The following RSPH9 variants were observed in gnomAD, a reference collection of about 807,000 sequenced individuals.
The protein encoded by RSPH9 is radial spoke head component 9, also known as radial spoke head protein 9 homolog.
RSPH9 carries 27 observed loss-of-function variants against 27.0 expected under a neutral mutation model. The ratio of observed to expected loss-of-function variants is 1.00; its 90% CI spans 0.74 to 1.38. The LOEUF is 1.38. RSPH9 is among the 40% of genes most tolerant of loss of function. The pLI, the probability that RSPH9 is intolerant of heterozygous loss-of-function variation, is 0.00. For missense variants in RSPH9, 347 were observed against 357.4 expected (o/e 0.97, Z 0.24); for synonymous variants, 145 against 147.7 (o/e 0.98, Z 0.13).
At chr6:43,666,780 T>C (rs1016686091) in intron 4 of RSPH9, among the ~76,000 whole-genome samples, 3 of 152,130 alleles carry the variant, frequency 2.0e-5, no homozygotes, top group Non-Finnish European at 4.4e-5. Flanking sequence ...AGGCCATATA[T>C]ATACATATAT....
At chr6:43,658,705 C>T (rs1339513609) in intron 4 of RSPH9, among the ~76,000 whole-genome samples, 1 of 152,126 alleles carries the variant, frequency 6.6e-6, no homozygotes, top group Admixed American at 6.6e-5. Context: ...CCATGCCTGG[C>T]TAATCTTTGT....
At chr6:43,660,039 CTTT>C (rs1163299257) in intron 4 of RSPH9, among the ~76,000 whole-genome samples, 2 of 109,342 alleles carry the variant, frequency 1.8e-5, no homozygotes, top group Admixed American at 9.9e-5. Flanking sequence ...CCAGCCTGGC[CTTT>C]TTTTTTTTTT....
intron 4 of RSPH9, chr6:43,666,527 C>T (rs1471290010): frequency 3.3e-6 from 5 of 1,527,950 alleles, no homozygotes; most frequent in Non-Finnish European, 4.4e-6. Context: ...TGAGGTAGGC[C>T]AACGACTCCG....
chr6:43,655,603 C>T lies in RSPH9; in HGVS notation c.435C>T (p.Asp145=), dbSNP rs1771921378. The T allele has an allele frequency of 6.2e-7, 1 of 1,614,128 alleles. No homozygotes were observed. Residue 145 remains aspartate, a synonymous_variant, in exon 3 of 5, where the codon GAC becomes GAT. Coordinates refer to ENST00000372163, the MANE Select transcript of RSPH9 (RefSeq NM_152732.5). ...AGACCCGCTTGGTGTCTGTCATTGA[C>T]CAGATTGACAAGGCTGTGGCCATCA... ...KEETRLVSVI[D]QIDKAVAIIP...
chr6:43,670,037 G>A (rs1561946661), intron 4 of RSPH9, among the ~76,000 whole-genome samples: 1 of 152,220 alleles, frequency 6.6e-6, no homozygotes, highest in African/African-American at 2.4e-5. Flanking sequence ...ATCCAACTCA[G>A]GAGAGGCTTC....
chr6:43,658,699 G>A (rs982752834), intron 4 of RSPH9, among the ~76,000 whole-genome samples: 20 of 152,126 alleles, frequency 1.3e-4, no homozygotes, highest in African/African-American at 4.8e-4. Flanking sequence ...CCGCCACCAT[G>A]CCTGGCTAAT....
Position 43,671,544 on chromosome 6 carries a change from G to C in RSPH9, c.*595G>C, listed in dbSNP as rs558521917. 1 of 596,150 alleles carries C rather than the reference G, an allele frequency of 1.7e-6. No homozygotes were observed. The highest frequency in any genetic ancestry group is 2.0e-5 in the South Asian group (1 of 50,626). The allele number at this position is 596,150 out of a possible 1,614,324, so 36.9% of individuals were successfully genotyped here. A position where few individuals can be genotyped will look rare whatever the true frequency, so the allele number is the denominator to read the frequency against. On this transcript the variant is annotated 3_prime_UTR_variant, in exon 5 of 5. Coordinates refer to ENST00000372163, the MANE Select transcript of RSPH9 (RefSeq NM_152732.5). Reference sequence around the variant, plus strand: ...GCCTAAGCCCCATAGCAGCTGGCAAGGGACCCAACTGCCCTGCCTGCCTCT... The same window carrying C: ...GCCTAAGCCCCATAGCAGCTGGCAACGGACCCAACTGCCCTGCCTGCCTCT...
At position 43,645,070 on chromosome 6, in the gene RSPH9, G is replaced by T; in HGVS notation, c.-29G>T. Reference sequence around the variant, plus strand: ...TGGAGGCGGCTTCTCCTAGCAACTCGACGGGCGTTGAGCGGAGCCGCTGAC... The same window carrying T: ...TGGAGGCGGCTTCTCCTAGCAACTCTACGGGCGTTGAGCGGAGCCGCTGAC... On this transcript the variant is annotated 5_prime_UTR_variant, in exon 1 of 5. Coordinates refer to ENST00000372163, the MANE Select transcript of RSPH9 (RefSeq NM_152732.5). 1 of 1,596,742 alleles carries T rather than the reference G, an allele frequency of 6.3e-7. No homozygotes were observed. The highest frequency in any genetic ancestry group is 1.1e-5 in the South Asian group (1 of 90,768).
chr6:43,666,764 G>A (rs1481915097), intron 4 of RSPH9, among the ~76,000 whole-genome samples: 1 of 152,158 alleles, frequency 6.6e-6, no homozygotes, highest in Non-Finnish European at 1.5e-5. Context: ...GCAGCCGTGG[G>A]TCAGGAGGCC....
chr6:43,654,059 G>A (rs1771766567), intron 2 of RSPH9, among the ~76,000 whole-genome samples: 1 of 152,184 alleles, frequency 6.6e-6, no homozygotes, highest in Non-Finnish European at 1.5e-5. Flanking sequence ...GCAGGCTTGT[G>A]TGGATTAAAT....
intron 2 of RSPH9, among the ~76,000 whole-genome samples, chr6:43,651,880 T>G (rs1005615695): frequency 6.6e-6 from 1 of 152,168 alleles, no homozygotes; most frequent in Non-Finnish European, 1.5e-5. Context: ...TGCATGTGTG[T>G]GTACATATGT....
chr6:43,662,871 A>G (rs1038978870), intron 4 of RSPH9, among the ~76,000 whole-genome samples: 9 of 152,026 alleles, frequency 5.9e-5, no homozygotes, highest in African/African-American at 2.2e-4. Flanking sequence ...ATCATAACTC[A>G]TTGTAACTTT....
chr6:43,665,426 C>T (rs1582396625), intron 4 of RSPH9, among the ~76,000 whole-genome samples: 1 of 152,224 alleles, frequency 6.6e-6, no homozygotes, highest in African/African-American at 2.4e-5. Flanking sequence ...ATCGCTTGAG[C>T]TTAGGAGTTT....
chr6:43,662,250 AAG>A (rs763490280), intron 4 of RSPH9, among the ~76,000 whole-genome samples: 1 of 152,184 alleles, frequency 6.6e-6, no homozygotes, highest in East Asian at 1.9e-4. Context: ...CATAGAATTG[AAG>A]AGAGTTAAGG....
intron 2 of RSPH9, among the ~76,000 whole-genome samples, chr6:43,653,406 C>T (rs1252183299): frequency 7.3e-6 from 1 of 136,642 alleles, no homozygotes; most frequent in Admixed American, 7.5e-5. Context: ...AAGATCGCGT[C>T]ATTGCACTCC....
chr6:43,661,435 C>A (rs774830133), intron 4 of RSPH9, among the ~76,000 whole-genome samples: 1 of 152,030 alleles, frequency 6.6e-6, no homozygotes, highest in South Asian at 2.1e-4. Flanking sequence ...CCGAGGTGGG[C>A]GGATCACCTG....
At chr6:43,652,020 G>C (rs750499813) in intron 2 of RSPH9, among the ~76,000 whole-genome samples, 1 of 151,790 alleles carries the variant, frequency 6.6e-6, no homozygotes, top group Non-Finnish European at 1.5e-5. Flanking sequence ...AATCCCCTGG[G>C]CATTGGCCAG....
At chr6:43,658,286 C>T (rs1389056768) in intron 4 of RSPH9, among the ~76,000 whole-genome samples, 5 of 110,588 alleles carry the variant, frequency 4.5e-5, no homozygotes, top group African/African-American at 1.5e-4. Context: ...CGCAAAACTC[C>T]GTCTCAAAAA....
At chr6:43,669,904 C>T (rs1291242398) in intron 4 of RSPH9, among the ~76,000 whole-genome samples, 1 of 152,254 alleles carries the variant, frequency 6.6e-6, no homozygotes, top group Non-Finnish European at 1.5e-5. Context: ...TCATTAGGGG[C>T]AGCCCAAGTC....
Sources: allele counts gnomAD v4.1 joint callset (sites outside exome capture counted in the v4.1 genomes callset), GRCh38; gene constraint gnomAD v4.1.1; transcripts MANE v1.5; gene names NCBI Gene and HGNC (gene_info 2026-07-23, HGNC 2026-07-21).